PCCA: variants seen among roughly 807,000 people sequenced by gnomAD.
PCCA encodes the protein propionyl-CoA carboxylase alpha chain, mitochondrial.
In PCCA, 74 loss-of-function variants were observed where a neutral mutation model predicts 101.3. That is an observed-to-expected ratio of 0.73 (90% CI 0.61 to 0.89). The LOEUF (loss-of-function observed/expected upper bound fraction) is 0.89. Ranked by LOEUF, PCCA falls within the 40% of genes least tolerant of loss-of-function variation. The pLI is 0.00. For synonymous variants in PCCA, 294 were observed against 313.6 expected, an observed-to-expected ratio of 0.94 and a Z score of 0.66; for missense variants, 891 against 907.0, an observed-to-expected ratio of 0.98 and a Z score of 0.23.
intron 8 of PCCA, among the ~76,000 whole-genome samples, chr13:100,242,872 C>G (rs949631892): frequency 1.3e-5 from 2 of 152,048 alleles, no homozygotes; most frequent in African/African-American, 4.8e-5. Context: ...AATTTGATTA[C>G]TATTTTATAG....
At chr13:100,097,341 C>T (rs986450725) in intron 1 of PCCA, among the ~76,000 whole-genome samples, 1 of 152,022 alleles carries the variant, frequency 6.6e-6, no homozygotes, top group Non-Finnish European at 1.5e-5. Flanking sequence ...GGTTCCATGC[C>T]TTGTGGATAT....
chr13:100,387,809 G>T (rs576171865), intron 19 of PCCA, among the ~76,000 whole-genome samples: 49 of 152,234 alleles, frequency 3.2e-4, no homozygotes, highest in Middle Eastern at 6.8e-3. Flanking sequence ...TGTCTAATTG[G>T]GTGCACAGCT....
intron 12 of PCCA, among the ~76,000 whole-genome samples, chr13:100,280,067 A>G (rs2063971633): frequency 2.7e-5 from 4 of 149,360 alleles, no homozygotes; most frequent in Admixed American, 1.3e-4. Flanking sequence ...TTTTCTTAAG[A>G]GTGAAATTTG....
chr13:100,270,500 C>T (rs2063234426), intron 11 of PCCA, among the ~76,000 whole-genome samples: 1 of 152,072 alleles, frequency 6.6e-6, no homozygotes. Flanking sequence ...AGACTGGGAA[C>T]CTTGAATCAT....
chr13:100,348,787 T>TCTTTCTTCCTTCCTTC (rs1298483783), intron 18 of PCCA, among the ~76,000 whole-genome samples: 5 of 46,648 alleles, frequency 1.1e-4, no homozygotes, highest in East Asian at 7.0e-4. Context: ...TTTCTTTCTT[T>TCTTTCTTCCTTCCTTC]CTTCCTTCCT....
At chr13:100,271,489 G>A (rs1396423292) in intron 11 of PCCA, among the ~76,000 whole-genome samples, 1 of 151,956 alleles carries the variant, frequency 6.6e-6, no homozygotes, top group Non-Finnish European at 1.5e-5. Flanking sequence ...AAGACACCGT[G>A]GGGTTGCATG....
At chr13:100,519,699 C>T (rs2087090166) in intron 22 of PCCA, among the ~76,000 whole-genome samples, 1 of 152,356 alleles carries the variant, frequency 6.6e-6, no homozygotes, top group African/African-American at 2.4e-5. Context: ...AGCTTATAGC[C>T]GACCATACAG....
chr13:100,122,340 G>A (rs1010100120), intron 4 of PCCA, among the ~76,000 whole-genome samples: 1 of 152,068 alleles, frequency 6.6e-6, no homozygotes, highest in African/African-American at 2.4e-5. Flanking sequence ...TTTGGTGTTA[G>A]TGTGATCCTG....
At chr13:100,158,307 A>G (rs868443104) in intron 6 of PCCA, among the ~76,000 whole-genome samples, 1 of 152,254 alleles carries the variant, frequency 6.6e-6, no homozygotes, top group Non-Finnish European at 1.5e-5. Context: ...CTGTACTCGT[A>G]TTCTGTTCTT....
chr13:100,237,854 G>A (rs1015872674), intron 8 of PCCA, among the ~76,000 whole-genome samples: 5 of 151,868 alleles, frequency 3.3e-5, no homozygotes, highest in Non-Finnish European at 7.4e-5. Flanking sequence ...TTGGACTTGC[G>A]AGCATTCCCT....
At chr13:100,308,232 C>G (rs1382580663) in intron 15 of PCCA, among the ~76,000 whole-genome samples, 2 of 152,198 alleles carry the variant, frequency 1.3e-5, no homozygotes. Flanking sequence ...TTTTTCAAGC[C>G]TTGTTTCTCA....
intron 21 of PCCA, among the ~76,000 whole-genome samples, chr13:100,451,103 CT>C (rs2081192422): frequency 6.6e-6 from 1 of 152,130 alleles, no homozygotes; most frequent in Non-Finnish European, 1.5e-5. Flanking sequence ...TGAAGCCCTC[CT>C]TGCTTGGGGA....
intron 4 of PCCA, among the ~76,000 whole-genome samples, chr13:100,145,037 G>C (rs2052356703): frequency 6.6e-6 from 1 of 152,146 alleles, no homozygotes; most frequent in Non-Finnish European, 1.5e-5. Context: ...TTCGTAAACA[G>C]GTAGAGCCAT....
chr13:100,385,948 C>G (rs1427355333), intron 19 of PCCA, among the ~76,000 whole-genome samples: 1 of 152,186 alleles, frequency 6.6e-6, no homozygotes, highest in African/African-American at 2.4e-5. Flanking sequence ...CTCTCAAACG[C>G]TGGTGGGAGT....
At chr13:100,383,014 T>A (rs2076314729) in intron 19 of PCCA, among the ~76,000 whole-genome samples, 1 of 152,024 alleles carries the variant, frequency 6.6e-6, no homozygotes, top group Non-Finnish European at 1.5e-5. Flanking sequence ...AGAACATATT[T>A]TTTAGTATAT....
intron 21 of PCCA, among the ~76,000 whole-genome samples, chr13:100,459,466 C>G (rs932926767): frequency 3.3e-5 from 5 of 152,198 alleles, no homozygotes; most frequent in Non-Finnish European, 5.9e-5. Flanking sequence ...TATTTTCATA[C>G]ATCACCTGTA....
intron 19 of PCCA, among the ~76,000 whole-genome samples, chr13:100,398,130 GA>G (rs1387686939): frequency 1.3e-5 from 2 of 152,222 alleles, no homozygotes; most frequent in Non-Finnish European, 2.9e-5. Flanking sequence ...AGTAATTGGT[GA>G]GCTTGCTGGG....
chr13:100,102,689 G>A (rs1386687288), intron 1 of PCCA, among the ~76,000 whole-genome samples, 194 bp from the exon 2 acceptor site: 1 of 152,064 alleles, frequency 6.6e-6, no homozygotes, highest in Non-Finnish European at 1.5e-5. Context: ...GATGCTTTTG[G>A]TTTCTCTTAC....
chr13:100,246,659 A>G (rs1374405002), intron 8 of PCCA, among the ~76,000 whole-genome samples: 1 of 152,132 alleles, frequency 6.6e-6, no homozygotes, highest in Admixed American at 6.5e-5. Flanking sequence ...CTGAAAAAAA[A>G]ATAGTTTTTT....
Sources: gnomAD v4.1 joint callset for allele counts (sites outside exome capture counted in the v4.1 genomes callset) on GRCh38, gnomAD v4.1.1 for gene constraint, MANE v1.5 for transcripts, NCBI Gene and HGNC (gene_info 2026-07-23, HGNC 2026-07-21) for gene names.